Variants in RGR observed in about 807,000 individuals in gnomAD.
RGR encodes the protein retinal G protein coupled receptor, also known as RPE-retinal G protein-coupled receptor.
A neutral mutation model predicts 28.6 loss-of-function variants in RGR; 30 were observed. The observed-to-expected ratio is 1.05, with a 90% CI of 0.78 to 1.42. The LOEUF (loss-of-function observed/expected upper bound fraction) is 1.42. RGR is among the 40% of genes most tolerant of loss of function. RGR has a pLI of 0.00. For missense variants in RGR, 404 were observed against 375.6 expected, an observed-to-expected ratio of 1.08 and a Z score of -0.62; for synonymous variants, 180 against 156.4, an observed-to-expected ratio of 1.15 and a Z score of -1.13.
intron 3 of RGR, among the ~76,000 whole-genome samples, chr10:84,251,520 AAG>A (rs1237673352): frequency 1.3e-5 from 2 of 152,200 alleles, no homozygotes; most frequent in Non-Finnish European, 2.9e-5. Flanking sequence ...CTCACATTAA[AAG>A]AGAGAGATTG....
intron 1 of RGR, among the ~76,000 whole-genome samples, chr10:84,246,361 T>C (rs1005548968): frequency 2.6e-5 from 4 of 152,128 alleles, no homozygotes; most frequent in Non-Finnish European, 5.9e-5. Flanking sequence ...ATTTGTAGGT[T>C]TTTTTAATCC....
intron 3 of RGR, chr10:84,250,518 A>G (rs1230979519): frequency 5.2e-4 from 16 of 30,762 alleles, no homozygotes; most frequent in African/African-American, 1.3e-3. Flanking sequence ...ACCATCTTAT[A>G]CACACACACA....
intron 2 of RGR, 73 bp from the exon 3 acceptor site, chr10:84,248,849 A>C: frequency 6.2e-7 from 1 of 1,614,016 alleles, no homozygotes; most frequent in Non-Finnish European, 8.5e-7. Context: ...CACACACTCC[A>C]AGCTGTACTT....
chr10:84,258,145 A>G, intron 6 of RGR, 139 bp downstream of exon 6: 1 of 857,442 alleles, frequency 1.2e-6, no homozygotes, highest in South Asian at 1.5e-5. Context: ...CTCACAAGGC[A>G]TAGAGCATTA....
rs759965131 is a variant in RGR at position 84,254,429 on chromosome 10, A to G, written c.616A>G (p.Ser206Gly). The G allele has an allele frequency of 6.2e-6, 10 of 1,614,042 alleles. 1 individual carries two copies. In the South Asian group the frequency reaches 1.1e-4, roughly 18 times the overall value. ...TCTCATGGAGCAGAAACTGGGGAAGAGTGGCCATCTCCAGGTAAGGACCCC... is the reference window on the plus strand; with the variant it reads ...TCTCATGGAGCAGAAACTGGGGAAGGGTGGCCATCTCCAGGTAAGGACCCC... Reference protein sequence around the residue: ...YSLMEQKLGKSGHLQVNTTLP... With the variant: ...YSLMEQKLGKGGHLQVNTTLP... Residue 206 changes from serine (S) to glycine (G), a missense_variant, in exon 5 of 7, where the codon AGT (serine) becomes GGT (glycine). Coordinates refer to ENST00000652092, the MANE Select transcript of RGR (RefSeq NM_001012720.2).
Position 84,247,649 on chromosome 10 carries a change from G to A in RGR, c.138G>A (p.Glu46=). Residue 46 remains glutamate (E), a synonymous_variant, in exon 2 of 7, where the codon GAG becomes GAA. Coordinates refer to ENST00000652092, the MANE Select transcript of RGR (RefSeq NM_001012720.2). ...LTIFSFCKTP[E]LRTPCHLLVL... ...TCTTCTCTTTCTGCAAGACCCCGGA[G>A]CTGCGGACTCCCTGCCACCTACTGG... The A allele has an allele frequency of 1.9e-6, 3 of 1,614,166 alleles. No individual in the cohort carries two copies. The highest frequency in any genetic ancestry group is 2.5e-6 in the Non-Finnish European group (3 of 1,180,030).
At chr10:84,257,535 G>T (rs529963809) in intron 5 of RGR, among the ~76,000 whole-genome samples, 1 of 152,164 alleles carries the variant, frequency 6.6e-6, no homozygotes, top group Non-Finnish European at 1.5e-5. Flanking sequence ...AGGAGTTCGA[G>T]ACCAGCCTAG....
rs567618037 is a variant in RGR, at chr10:84,247,868, G to T, written c.236+121G>T. ...TACAGAAAATTGGCCAAGGGCAGAG[G>T]GTGGGCAGGCTAAAATGGGCTGAAT... On this transcript the variant is annotated intron_variant, in intron 2 of 6. Coordinates refer to ENST00000652092, the MANE Select transcript of RGR (RefSeq NM_001012720.2). The T allele has an allele frequency of 2.1e-4, 298 of 1,419,432 alleles. No individual in the cohort carries two copies. The African/African-American group carries it at 3.5e-3, about 17-fold the overall frequency. 87.9% of individuals were successfully genotyped at this position (1,419,432 alleles called of 1,614,324 possible).
chr10:84,258,512 C>G lies in RGR; in HGVS notation c.749C>G (p.Pro250Arg). The G allele has an allele frequency of 6.2e-7, 1 of 1,614,180 alleles. No homozygotes were observed. Among genetic ancestry groups the G allele is most frequent in the East Asian group, 2.2e-5 (1 of 44,884 alleles). Residue 250 changes from proline (P) to arginine (R), a missense_variant, in exon 7 of 7, where the codon CCC (proline) becomes CGC (arginine). Coordinates refer to ENST00000652092, the MANE Select transcript of RGR (RefSeq NM_001012720.2). ...TSISPKLQMV[P>R]ALIAKMVPTI... ...TGGACTTTTCTGCCACAACAGGTGC[C>G]CGCCCTCATTGCCAAAATGGTGCCC...
intron 3 of RGR, among the ~76,000 whole-genome samples, chr10:84,250,154 G>A (rs956619357): frequency 6.6e-6 from 1 of 152,078 alleles, no homozygotes; most frequent in African/African-American, 2.4e-5. Flanking sequence ...AGCTTGCCTC[G>A]CTACTAAGGG....
rs1842759122 is a variant in RGR, at chr10:84,247,361, G to C, written c.80-230G>C. Among the ~76,000 whole-genome samples the C allele has an allele frequency of 1.3e-5, 2 of 152,196 alleles. 1 individual carries two copies. Among genetic ancestry groups the C allele is most frequent in the Non-Finnish European group, 2.9e-5 (2 of 68,028 alleles). Reference sequence around the variant, plus strand: ...ATGGAGAAGAGAGTATCCAAGTAAAGATTGAATGAGATGACTCATATAAAG... The same window carrying C: ...ATGGAGAAGAGAGTATCCAAGTAAACATTGAATGAGATGACTCATATAAAG... On this transcript the variant is annotated intron_variant, in intron 1 of 6. Transcript: ENST00000652092.
At chr10:84,245,287 C>A in intron 1 of RGR, 118 bp downstream of exon 1, 1 of 910,484 alleles carries the variant, frequency 1.1e-6, no homozygotes, top group Non-Finnish European at 1.7e-6. Flanking sequence ...GTGTCCGGTC[C>A]CATTGGCTGC....
intron 3 of RGR, chr10:84,250,450 C>A (rs1306063660): frequency 1.4e-6 from 1 of 716,620 alleles, no homozygotes. Flanking sequence ...GTCCACTTGG[C>A]CTCAGAGCAC....
rs909957776 is a variant in RGR at position 84,258,776 on chromosome 10, A to T, written c.*137A>T. 10 of 1,286,002 alleles carry T rather than the reference A, an allele frequency of 7.8e-6. No individual in the cohort carries two copies. Among genetic ancestry groups the T allele is most frequent in the Admixed American group, 3.9e-5 (2 of 50,988 alleles). 79.7% of individuals were successfully genotyped at this position (1,286,002 alleles called of 1,614,324 possible). ...ATCCTGGTCCTAGGCTGGACACAGG[A>T]TTCAGAAAGACACCAGGCTGCACAG... On this transcript the variant is annotated 3_prime_UTR_variant, in exon 7 of 7. Transcript: ENST00000652092.
intron 1 of RGR, among the ~76,000 whole-genome samples, chr10:84,247,065 G>T (rs1007094057): frequency 1.3e-5 from 2 of 152,188 alleles, no homozygotes; most frequent in African/African-American, 4.8e-5. Context: ...GGAGCAGCAA[G>T]CGAGGCAACC....
In RGR at chr10:84,251,397, A is replaced by G. The variant is rs187681152; in HGVS notation, c.359-1460A>G. On this transcript the variant is annotated intron_variant, in intron 3 of 6. Transcript: ENST00000652092. The stretch of plus-strand genomic sequence containing the variant: ...ATCGACTCGGTGGCTTGAACAATAG[A>G]AATTTATTTCTCAGTTATTCAGGCT... Among the ~76,000 whole-genome samples, 216 of 152,184 alleles carry G rather than the reference A, an allele frequency of 1.4e-3. 1 individual carries two copies. The highest frequency in any genetic ancestry group is 3.4e-3 in the Middle Eastern group (1 of 294).
Position 84,247,605 on chromosome 10 carries a change from A to C in RGR, c.94A>C (p.Ser32Arg), listed in dbSNP as rs529193344. 4 of 1,614,050 alleles carry C rather than the reference A, an allele frequency of 2.5e-6. No individual in the cohort carries two copies. Among genetic ancestry groups the C allele is most frequent in the South Asian group, 2.2e-5 (2 of 91,078 alleles). Residue 32 changes from serine to arginine, a missense_variant, in exon 2 of 7, where the codon AGC becomes CGC. Physicochemically the swap from Ser to Arg is moderately radical, Grantham distance 110 (BLOSUM62 -1). Coordinates refer to ENST00000652092, the MANE Select transcript of RGR (RefSeq NM_001012720.2). ...VLLVEALSGL[S>R]LNTLTIFSFC... ...CTTCCTTTCAGCTCTCTCCGGTCTC[A>C]GCCTCAATACCCTGACCATCTTCTC...
At chr10:84,248,745 C>A in intron 2 of RGR, 177 bp from the exon 3 acceptor site, 1 of 1,102,902 alleles carries the variant, frequency 9.1e-7, no homozygotes, top group Non-Finnish European at 1.3e-6. Flanking sequence ...CATTGGGCTC[C>A]ACCCCTTCAG....
chr10:84,248,111 A>G, intron 2 of RGR: 1 of 643,836 alleles, frequency 1.6e-6, no homozygotes, highest in Non-Finnish European at 2.4e-6. Flanking sequence ...ATTTACTTCT[A>G]TTATGTGTAA....
Sources: allele counts gnomAD v4.1 joint callset (sites outside exome capture counted in the v4.1 genomes callset), GRCh38; gene constraint gnomAD v4.1.1; transcripts MANE v1.5; gene names NCBI Gene and HGNC (gene_info 2026-07-23, HGNC 2026-07-21).